The following FMN1 variants were observed in gnomAD, a reference collection of about 807,000 sequenced individuals.
The protein encoded by FMN1 is formin 1.
Under a neutral mutation model 132.4 loss-of-function variants are expected in FMN1, and 110 were observed. That is an observed-to-expected ratio of 0.83 (90% confidence interval 0.71 to 0.97). The LOEUF is 0.97. Ranked by LOEUF, FMN1 falls within the 50% of genes least tolerant of loss-of-function variation. The probability of loss-of-function intolerance (pLI) is 0.00; values close to 1 mark genes in which losing one functional copy is unlikely to be tolerated. For synonymous variants in FMN1, 722 were observed against 651.7 expected, an observed-to-expected ratio of 1.11 and a Z score of -1.64; for missense variants, 1,792 against 1,705.3, an observed-to-expected ratio of 1.05 and a Z score of -0.90.
At chr15:33,048,327 T>C (rs2036786511) in intron 6 of FMN1, among the ~76,000 whole-genome samples, 1 of 151,970 alleles carries the variant, frequency 6.6e-6, no homozygotes. Flanking sequence ...AGAAATGAGA[T>C]TATATATAAG....
At chr15:32,942,981 C>T (rs2061431514) in intron 9 of FMN1, among the ~76,000 whole-genome samples, 1 of 152,118 alleles carries the variant, frequency 6.6e-6, no homozygotes, top group African/African-American at 2.4e-5. Flanking sequence ...ATATACAGGT[C>T]GAGCATCCCA....
At chr15:32,794,676 T>C (rs2057218573) in intron 19 of FMN1, among the ~76,000 whole-genome samples, 1 of 152,228 alleles carries the variant, frequency 6.6e-6, no homozygotes, top group Non-Finnish European at 1.5e-5. Flanking sequence ...GGATAATCTA[T>C]TGATTTAACA....
chr15:33,041,631 C>T (rs1223595973), intron 6 of FMN1, among the ~76,000 whole-genome samples: 1 of 151,982 alleles, frequency 6.6e-6, no homozygotes, highest in African/African-American at 2.4e-5. Context: ...CTCAACCTTA[C>T]TAATCATTAG....
chr15:32,942,916 C>T (rs766628267), intron 9 of FMN1, among the ~76,000 whole-genome samples: 40 of 152,272 alleles, frequency 2.6e-4, no homozygotes, highest in Non-Finnish European at 3.7e-4. Flanking sequence ...CAAAAACAAA[C>T]AAATAAATGT....
At chr15:32,934,838 C>T (rs2140405895) in intron 9 of FMN1, among the ~76,000 whole-genome samples, 1 of 151,888 alleles carries the variant, frequency 6.6e-6, no homozygotes, top group South Asian at 2.1e-4. Flanking sequence ...AACTCCTGAC[C>T]TCAGGTGATC....
chr15:32,969,203 A>G lies in FMN1; in HGVS notation c.2498T>C (p.Leu833Pro). ...GAGCTGGCTTAAAGAGGAGATATTC[A>G]GCTTTTTGGGTACTAATTGATTACT... Reference protein sequence around the residue: ...TRSNQLVPKKLNISSLSQLSP... With the variant: ...TRSNQLVPKKPNISSLSQLSP... Residue 833 changes from leucine (L) to proline (P), a missense_variant, in exon 8 of 21, where the codon CTG (leucine) becomes CCG (proline). This residue lies in a region of FMN1 where 1,150 missense variants were observed against 1,043.1 expected (regional missense o/e 1.10). Coordinates refer to ENST00000616417, the MANE Select transcript of FMN1 (RefSeq NM_001277313.2). 6.2e-7 allele frequency: 1 copy of G among 1,613,822 alleles called. No individual in the cohort carries two copies. Among genetic ancestry groups the G allele is most frequent in the Non-Finnish European group, 8.5e-7 (1 of 1,179,862 alleles).
chr15:32,922,173 T>A (rs947905655), intron 10 of FMN1, among the ~76,000 whole-genome samples: 2 of 152,166 alleles, frequency 1.3e-5, no homozygotes, highest in African/African-American at 4.8e-5. Context: ...TGATCTTATG[T>A]GCTGTTGTAG....
At chr15:32,920,086 T>C (rs1302457707) in intron 10 of FMN1, among the ~76,000 whole-genome samples, 1 of 152,182 alleles carries the variant, frequency 6.6e-6, no homozygotes, top group Non-Finnish European at 1.5e-5. Context: ...TATGGGAAAT[T>C]CCAAATGAAT....
chr15:33,072,826 G>C (rs1189844072), intron 5 of FMN1, among the ~76,000 whole-genome samples: 2 of 151,908 alleles, frequency 1.3e-5, no homozygotes, highest in Non-Finnish European at 2.9e-5. Context: ...GGGAGGCTGA[G>C]GGAGGAGAAT....
At chr15:32,799,819 C>T in intron 18 of FMN1, among the ~76,000 whole-genome samples, 1 of 152,178 alleles carries the variant, frequency 6.6e-6, no homozygotes, top group East Asian at 1.9e-4. Context: ...TTCCCCCTCA[C>T]CCCCACCTAC....
chr15:32,869,589 A>T (rs1345028568), intron 16 of FMN1, among the ~76,000 whole-genome samples: 2 of 152,212 alleles, frequency 1.3e-5, no homozygotes, highest in Admixed American at 6.5e-5. Flanking sequence ...TCATTGGTAT[A>T]AAATTGGTAT....
intron 9 of FMN1, among the ~76,000 whole-genome samples, chr15:32,942,528 G>C (rs1381051533): frequency 6.6e-6 from 1 of 152,202 alleles, no homozygotes; most frequent in Non-Finnish European, 1.5e-5. Flanking sequence ...GCTCAGCCAA[G>C]TGAGTTTGGC....
At chr15:33,093,109 C>T (rs182721167) in intron 4 of FMN1, among the ~76,000 whole-genome samples, 2 of 152,308 alleles carry the variant, frequency 1.3e-5, no homozygotes, top group East Asian at 3.9e-4. Context: ...ATTACAGTGC[C>T]TTTTAAGCTG....
rs1282261698 is a variant in FMN1 at position 32,768,999 on chromosome 15, C to G, written c.*5311G>C. The G allele has an allele frequency of 6.1e-5, 5 of 81,372 alleles. No homozygotes were observed. Among genetic ancestry groups the G allele is most frequent in the Non-Finnish European group, 1.3e-4 (4 of 30,704 alleles). The allele number at this position is 81,372 out of a possible 1,614,324, so 5.0% of individuals were successfully genotyped here. On this transcript the variant is annotated 3_prime_UTR_variant, in exon 21 of 21. Transcript: ENST00000616417. ...AAGAGAGAAAAGGTCTTCTATGGCC[C>G]TGGTTATCACCATAGTTAGGAGAAG...
intron 6 of FMN1, among the ~76,000 whole-genome samples, chr15:33,044,326 G>T (rs1031482115): frequency 6.6e-6 from 1 of 152,246 alleles, no homozygotes; most frequent in Non-Finnish European, 1.5e-5. Context: ...TCAAGCTGGG[G>T]AAGGTCTGAA....
At chr15:32,846,059 A>G (rs2058848456) in intron 17 of FMN1, among the ~76,000 whole-genome samples, 1 of 152,190 alleles carries the variant, frequency 6.6e-6, no homozygotes, top group Non-Finnish European at 1.5e-5. Context: ...TCTGACTTCA[A>G]GCACAAAGCT....
At chr15:33,110,902 A>G (rs345766) in intron 4 of FMN1, among the ~76,000 whole-genome samples, 1 of 151,750 alleles carries the variant, frequency 6.6e-6, no homozygotes, top group Non-Finnish European at 1.5e-5. Flanking sequence ...ACTAACCTTA[A>G]AGAAGTTCTA....
In FMN1 at chr15:32,848,985, T is replaced by TTTTTC. The variant is rs1555472085; in HGVS notation, c.3928+8029_3928+8030insGAAAA. 9.2e-4 allele frequency among the ~76,000 whole-genome samples: 116 copies of TTTTTC among 125,480 alleles called. No homozygotes were observed. In the South Asian group the frequency reaches 0.03, roughly 32 times the overall value. 82.3% of individuals were successfully genotyped at this position (125,480 alleles called of 152,430 possible). ...TGGGTTAGTTCTCTTTTGTTTTTTT[T>TTTTTC]TTTTTTTTTTTTTTCAGAGACAGAG... On this transcript the variant is annotated intron_variant, in intron 17 of 20. Coordinates refer to ENST00000616417, the MANE Select transcript of FMN1 (RefSeq NM_001277313.2).
intron 9 of FMN1, among the ~76,000 whole-genome samples, chr15:32,951,685 C>T (rs1377017523): frequency 6.6e-6 from 1 of 152,218 alleles, no homozygotes; most frequent in East Asian, 1.9e-4. Flanking sequence ...CCAGGCCAAA[C>T]ATTTCACATA....
Sources: gnomAD v4.1 joint callset for allele counts (sites outside exome capture counted in the v4.1 genomes callset) on GRCh38, gnomAD v4.1.1 for gene constraint, gnomAD v4.1.1 regional missense constraint, MANE v1.5 for transcripts, NCBI Gene and HGNC (gene_info 2026-07-23, HGNC 2026-07-21) for gene names.